Variants in PCDHGA5 observed in about 807,000 individuals in gnomAD.
The protein encoded by PCDHGA5 is protocadherin gamma subfamily A, 5.
PCDHGA5 carries 36 observed loss-of-function variants against 56.7 expected under a neutral mutation model. The ratio of observed to expected loss-of-function variants is 0.64; its 90% CI spans 0.49 to 0.84. The LOEUF (loss-of-function observed/expected upper bound fraction) is 0.84, where lower values mean the gene tolerates loss of function less well. Among genes scored for constraint, PCDHGA5 ranks in the 40% least tolerant of loss-of-function variants. The pLI, the probability that PCDHGA5 is intolerant of heterozygous loss-of-function variation, is 0.00. For missense variants in PCDHGA5, 1,305 were observed against 1,201.5 expected, an observed-to-expected ratio of 1.09 and a Z score of -1.27; for synonymous variants, 563 against 520.2, an observed-to-expected ratio of 1.08 and a Z score of -1.12.
At chr5:141,500,615 A>G (rs1341597957) in intron 2 of PCDHGA5, among the ~76,000 whole-genome samples, 1 of 152,232 alleles carries the variant, frequency 6.6e-6, no homozygotes, top group East Asian at 1.9e-4. Flanking sequence ...ATTCCCAGTC[A>G]TACGGTACAT....
chr5:141,405,444 G>A, intron 1 of PCDHGA5: 1 of 1,379,466 alleles, frequency 7.2e-7, no homozygotes, highest in South Asian at 1.3e-5. Flanking sequence ...TTTTGAGACA[G>A]AGTCTTACTC....
chr5:141,407,996 TG>T, intron 1 of PCDHGA5: 1 of 872,306 alleles, frequency 1.1e-6, no homozygotes, highest in Non-Finnish European at 1.7e-6. Flanking sequence ...GCCTCTGGCC[TG>T]GGATTCCCTG....
At chr5:141,456,788 C>A (rs2098888156) in intron 1 of PCDHGA5, among the ~76,000 whole-genome samples, 1 of 152,088 alleles carries the variant, frequency 6.6e-6, no homozygotes, top group Admixed American at 6.5e-5. Flanking sequence ...CATGGCAAAA[C>A]CCCATCTCTA....
chr5:141,372,258 C>T (rs762173867), intron 1 of PCDHGA5: 1 of 1,613,070 alleles, frequency 6.2e-7, no homozygotes, highest in African/African-American at 1.3e-5. Context: ...CCTGGGCCTG[C>T]GCACGGGTGA....
intron 1 of PCDHGA5, chr5:141,419,158 C>T (rs757849297): frequency 5.0e-6 from 8 of 1,613,950 alleles, no homozygotes; most frequent in Admixed American, 1.7e-5. Context: ...CTCCGTTATC[C>T]TCCAGCAAAA....
At chr5:141,478,765 C>T in intron 1 of PCDHGA5, 1 of 1,508,614 alleles carries the variant, frequency 6.6e-7, no homozygotes, top group Non-Finnish European at 8.9e-7. Context: ...AGATACTTGA[C>T]TCATCTGTGG....
chr5:141,480,887 A>T (rs2099527301), intron 1 of PCDHGA5, among the ~76,000 whole-genome samples: 1 of 152,146 alleles, frequency 6.6e-6, no homozygotes. Flanking sequence ...TCTACTAAAA[A>T]TGCAAACATT....
At chr5:141,389,387 C>T in intron 1 of PCDHGA5, 1 of 1,613,724 alleles carries the variant, frequency 6.2e-7, no homozygotes, top group Non-Finnish European at 8.5e-7. Context: ...AGCTGTCATC[C>T]TACGTGTCCA....
At chr5:141,381,157 C>T (rs959682414) in intron 1 of PCDHGA5, among the ~76,000 whole-genome samples, 2 of 152,238 alleles carry the variant, frequency 1.3e-5, no homozygotes, top group African/African-American at 4.8e-5. Flanking sequence ...AAATAGGTTA[C>T]TTAGGAGCCT....
At chr5:141,500,840 C>G (rs1394248251) in intron 2 of PCDHGA5, among the ~76,000 whole-genome samples, 1 of 151,966 alleles carries the variant, frequency 6.6e-6, no homozygotes, top group Non-Finnish European at 1.5e-5. Context: ...TGCTAATGGG[C>G]TTTTGCTACA....
At chr5:141,371,536 A>G (rs1767830265) in intron 1 of PCDHGA5, 4 of 1,613,810 alleles carry the variant, frequency 2.5e-6, no homozygotes, top group Non-Finnish European at 3.4e-6. Flanking sequence ...TTTAATGGAG[A>G]AATCCTATGC....
At chr5:141,389,793 C>G in intron 1 of PCDHGA5, 1 of 1,613,570 alleles carries the variant, frequency 6.2e-7, no homozygotes, top group Non-Finnish European at 8.5e-7. Flanking sequence ...GGACGCCGTC[C>G]GCCAGCGCCT....
Position 141,486,239 on chromosome 5 carries a change from C to G in PCDHGA5, c.2422-8568C>G, listed in dbSNP as rs751510109. On this transcript the variant is annotated intron_variant, in intron 1 of 3. Transcript: ENST00000518069. The surrounding 1 kb of genome is among the most constrained non-coding windows in gnomAD (Gnocchi z 5.0). ...CCCTTACATCACAGTGACCTCAGAG[C>G]TTGGAACCCTCCCCGAGAGTGCAGA... 6.2e-7 allele frequency: 1 copy of G among 1,614,160 alleles called. No individual in the cohort carries two copies. Among genetic ancestry groups the G allele is most frequent in the Admixed American group, 1.7e-5 (1 of 60,020 alleles).
At chr5:141,393,316 A>T (rs2092726404) in intron 1 of PCDHGA5, 2 of 1,612,964 alleles carry the variant, frequency 1.2e-6, no homozygotes, top group Non-Finnish European at 1.7e-6. Flanking sequence ...AACTCCCTCC[A>T]GAGCTACCAG....
At chr5:141,448,663 G>A (rs1195703194) in intron 1 of PCDHGA5, among the ~76,000 whole-genome samples, 3 of 151,920 alleles carry the variant, frequency 2.0e-5, no homozygotes, top group African/African-American at 7.3e-5. Flanking sequence ...CATATTGGCC[G>A]GGCGCGGTGG....
At chr5:141,404,072 C>T (rs779657331) in intron 1 of PCDHGA5, 1 of 1,613,626 alleles carries the variant, frequency 6.2e-7, no homozygotes, top group Non-Finnish European at 8.5e-7. Flanking sequence ...TGCTCATGAC[C>T]GAGACTCCGG....
At chr5:141,381,992 G>A (rs553767265) in intron 1 of PCDHGA5, among the ~76,000 whole-genome samples, 50 of 151,748 alleles carry the variant, frequency 3.3e-4, no homozygotes, top group African/African-American at 1.1e-3. Context: ...ACCACGCCCG[G>A]ATAATTTTGT....
chr5:141,383,234 A>G, intron 1 of PCDHGA5: 2 of 1,613,960 alleles, frequency 1.2e-6, no homozygotes, highest in Non-Finnish European at 1.7e-6. Flanking sequence ...CTGATGGAAG[A>G]TAAAATGAAT....
At chr5:141,366,786 A>T in intron 1 of PCDHGA5, 35 bp downstream of exon 1, 3 of 1,575,572 alleles carry the variant, frequency 1.9e-6, no homozygotes, top group Non-Finnish European at 2.6e-6. Context: ...TGACCAGAAC[A>T]TTTTCATTTG....
Sources: gnomAD v4.1 joint callset for allele counts (sites outside exome capture counted in the v4.1 genomes callset) on GRCh38, gnomAD v4.1.1 for gene constraint, Gnocchi (gnomAD v3.1) non-coding constraint, MANE v1.5 for transcripts, NCBI Gene and HGNC (gene_info 2026-07-23, HGNC 2026-07-21) for gene names.